The following ARHGAP5 variants were observed in gnomAD, a reference collection of about 807,000 sequenced individuals.
ARHGAP5 encodes the protein Rho GTPase activating protein 5.
Under a neutral mutation model 116.6 loss-of-function variants are expected in ARHGAP5, and 23 were observed. The ratio of observed to expected loss-of-function variants is 0.20; its 90% CI spans 0.14 to 0.28. The LOEUF (loss-of-function observed/expected upper bound fraction) is 0.28, where lower values mean the gene tolerates loss of function less well. ARHGAP5 is among the 10% of genes least tolerant of loss of function. The probability of loss-of-function intolerance (pLI) is 1.00; values close to 1 mark genes in which losing one functional copy is unlikely to be tolerated. For missense variants in ARHGAP5, 1,405 were observed against 1,774.8 expected, an observed-to-expected ratio of 0.79 and a Z score of 3.74; for synonymous variants, 574 against 602.0, an observed-to-expected ratio of 0.95 and a Z score of 0.68.
chr14:32,077,400 C>G lies in ARHGAP5; in HGVS notation c.-204C>G. ...CCGCCGCCACCGCCGGGGCCGCTGC[C>G]GTTGAGGAGGAGACGGAGGAGACCG... On this transcript the variant is annotated 5_prime_UTR_variant, in exon 1 of 7. Coordinates refer to ENST00000345122, the MANE Select transcript of ARHGAP5 (RefSeq NM_001030055.2). 2.8e-6 allele frequency: 2 copies of G among 704,702 alleles called. No homozygotes were observed. The highest frequency in any genetic ancestry group is 3.0e-5 in the South Asian group (2 of 67,648). The allele number at this position is 704,702 out of a possible 1,614,324, so 43.7% of individuals were successfully genotyped here.
At chr14:32,150,170 G>A in intron 5 of ARHGAP5, 137 bp downstream of exon 5, 1 of 648,532 alleles carries the variant, frequency 1.5e-6, no homozygotes, top group Non-Finnish European at 2.3e-6. Flanking sequence ...TTTCTTAAAG[G>A]CATTTTCCTC....
Position 32,093,651 on chromosome 14 carries a change from T to C in ARHGAP5, c.2982T>C (p.Ile994=). The C allele has an allele frequency of 6.2e-7, 1 of 1,613,912 alleles. No individual in the cohort carries two copies. The highest frequency in any genetic ancestry group is 2.2e-5 in the East Asian group (1 of 44,884). ...DTEAPPPYSP[I]GDDVQLLPTP... ...AAGCACCACCTCCTTATAGTCCAATTGGGGATGATGTACAGTTGCTTCCAA... is the reference window on the plus strand; with the variant it reads ...AAGCACCACCTCCTTATAGTCCAATCGGGGATGATGTACAGTTGCTTCCAA... The change falls in exon 2 of 7, where the codon ATT becomes ATC. Residue 994 remains isoleucine (I), a synonymous_variant. Coordinates refer to ENST00000345122, the MANE Select transcript of ARHGAP5 (RefSeq NM_001030055.2).
chr14:32,107,902 A>G (rs2139049924), intron 2 of ARHGAP5, among the ~76,000 whole-genome samples: 1 of 152,304 alleles, frequency 6.6e-6, no homozygotes, highest in Non-Finnish European at 1.5e-5. Flanking sequence ...GAGTACAGCT[A>G]GAGAAGAAGG....
chr14:32,081,644 A>G (rs931696093), intron 1 of ARHGAP5, among the ~76,000 whole-genome samples: 2 of 151,030 alleles, frequency 1.3e-5, no homozygotes, highest in Non-Finnish European at 3.0e-5. Flanking sequence ...TGCAAGAGTG[A>G]TAGAAGGGGT....
At chr14:32,105,114 A>ACT (rs1878951748) in intron 2 of ARHGAP5, among the ~76,000 whole-genome samples, 1 of 152,072 alleles carries the variant, frequency 6.6e-6, no homozygotes, top group East Asian at 1.9e-4. Context: ...GGTGTAGGAG[A>ACT]CTATGTCTTG....
At position 32,091,027 on chromosome 14, in the gene ARHGAP5, G is replaced by A; in HGVS notation, c.358G>A (p.Ala120Thr). ...TTTGCAACCATATATAAAACGTGCA[G>A]CTGCATCTAAATTGCAGTCAGCAGA... ...TNLQPYIKRA[A>T]ASKLQSAEKL... The change falls in exon 2 of 7, where the codon GCT (alanine) becomes ACT (threonine). Residue 120 changes from alanine (A) to threonine (T), a missense_variant. Ala to Thr is a moderately conservative substitution (Grantham distance 58). Transcript: ENST00000345122. 6.2e-7 allele frequency: 1 copy of A among 1,613,682 alleles called. No homozygotes were observed. Among genetic ancestry groups the A allele is most frequent in the Non-Finnish European group, 8.5e-7 (1 of 1,179,674 alleles).
At chr14:32,138,450 G>A (rs1880926175) in intron 3 of ARHGAP5, among the ~76,000 whole-genome samples, 1 of 151,952 alleles carries the variant, frequency 6.6e-6, no homozygotes, top group Non-Finnish European at 1.5e-5. Flanking sequence ...CACCTGGCTA[G>A]TTTTTATATT....
chr14:32,131,759 G>A (rs533499791), intron 3 of ARHGAP5, among the ~76,000 whole-genome samples: 34 of 151,760 alleles, frequency 2.2e-4, no homozygotes, highest in Admixed American at 1.5e-3. Flanking sequence ...AACAGTCCCC[G>A]GTGTGTGATG....
intron 3 of ARHGAP5, among the ~76,000 whole-genome samples, chr14:32,120,993 A>C (rs115932410): frequency 6.9e-6 from 1 of 145,846 alleles, no homozygotes; most frequent in South Asian, 2.2e-4. Context: ...TTTTAATTTC[A>C]TACACATTTA....
intron 3 of ARHGAP5, among the ~76,000 whole-genome samples, chr14:32,125,131 G>A (rs575613025): frequency 6.6e-5 from 10 of 152,136 alleles, no homozygotes; most frequent in East Asian, 3.9e-4. Context: ...CATTTACCCC[G>A]AAGAAAACCC....
At chr14:32,107,038 G>A (rs1879052515) in intron 2 of ARHGAP5, among the ~76,000 whole-genome samples, 3 of 151,962 alleles carry the variant, frequency 2.0e-5, no homozygotes, top group Non-Finnish European at 4.4e-5. Flanking sequence ...ACATTTAATC[G>A]CATATTATTT....
intron 1 of ARHGAP5, among the ~76,000 whole-genome samples, chr14:32,080,456 T>TA (rs547148071): frequency 1.1e-4 from 16 of 149,252 alleles, no homozygotes; most frequent in Middle Eastern, 3.4e-3. Context: ...ACTTCAAAGT[T>TA]AAAAAAAAAA....
chr14:32,132,576 A>G (rs917417160), intron 3 of ARHGAP5, among the ~76,000 whole-genome samples: 4 of 149,930 alleles, frequency 2.7e-5, no homozygotes, highest in East Asian at 2.0e-4. Context: ...CTGTGCAGAA[A>G]CTCTTTAGTT....
chr14:32,077,321 G>A lies in ARHGAP5; in HGVS notation c.-283G>A, dbSNP rs2138984699. 1.4e-6 allele frequency: 1 copy of A among 695,224 alleles called. No individual in the cohort carries two copies. The highest frequency in any genetic ancestry group is 2.0e-5 in the Admixed American group (1 of 49,228). 43.1% of individuals were successfully genotyped at this position (695,224 alleles called of 1,614,324 possible). A position where few individuals can be genotyped will look rare whatever the true frequency, so the allele number is the denominator to read the frequency against. Reference sequence around the variant, plus strand: ...AGCGCGCCGAGGAAGAGAGGCGAGCGGAGAGTGGAGGAGGAGGCGGCGGCG... The same window carrying A: ...AGCGCGCCGAGGAAGAGAGGCGAGCAGAGAGTGGAGGAGGAGGCGGCGGCG... On this transcript the variant is annotated 5_prime_UTR_variant, in exon 1 of 7. Coordinates refer to ENST00000345122, the MANE Select transcript of ARHGAP5 (RefSeq NM_001030055.2).
intron 3 of ARHGAP5, among the ~76,000 whole-genome samples, chr14:32,140,957 A>G (rs1291410101): frequency 6.6e-6 from 1 of 152,052 alleles, no homozygotes; most frequent in Non-Finnish European, 1.5e-5. Flanking sequence ...TCTCCCTTCA[A>G]TTCTGTCAGT....
Position 32,090,707 on chromosome 14 carries a change from A to G in ARHGAP5, c.38A>G (p.Tyr13Cys), listed in dbSNP as rs1188645695. ...AKNKEPRPPSYTISIVGLSGT... is the reference protein window; with the variant it reads ...AKNKEPRPPSCTISIVGLSGT... ...AACAAAGAGCCTCGTCCCCCATCCT[A>G]TACCATCAGTATAGTTGGACTCTCT... Residue 13 changes from tyrosine (Y) to cysteine (C), a missense_variant, in exon 2 of 7, where the codon TAT (tyrosine) becomes TGT (cysteine). By Grantham distance (194) the Tyr-to-Cys change is radical (BLOSUM62 -2). Around this residue, in one of 6 missense-constraint regions of ARHGAP5, gnomAD observed 190 missense variants for 314.9 expected, o/e 0.60. Transcript: ENST00000345122. 2 of 1,612,906 alleles carry G rather than the reference A, an allele frequency of 1.2e-6. No individual in the cohort carries two copies. Among genetic ancestry groups the G allele is most frequent in the Non-Finnish European group, 1.7e-6 (2 of 1,179,372 alleles).
At position 32,091,210 on chromosome 14, in the gene ARHGAP5, A is replaced by G. The variant is rs780955456; in HGVS notation, c.541A>G (p.Asn181Asp). Residue 181 changes from asparagine (N) to aspartate (D), a missense_variant, in exon 2 of 7, where the codon AAT becomes GAT. Around this residue, in one of 6 missense-constraint regions of ARHGAP5, gnomAD observed 190 missense variants for 314.9 expected, o/e 0.60. Transcript: ENST00000345122. ...GTTTGATGATCAACTTAAATTTGTGAATAACCTTTTTGTCCAGTTATCAAA... is the reference window on the plus strand; with the variant it reads ...GTTTGATGATCAACTTAAATTTGTGGATAACCTTTTTGTCCAGTTATCAAA... ...RKFDDQLKFVNNLFVQLSKSK... is the reference protein window; with the variant it reads ...RKFDDQLKFVDNLFVQLSKSK... 6.2e-7 allele frequency: 1 copy of G among 1,613,194 alleles called. No individual in the cohort carries two copies. Among genetic ancestry groups the G allele is most frequent in the Non-Finnish European group, 8.5e-7 (1 of 1,179,548 alleles).
chr14:32,093,594 T>C lies in ARHGAP5; in HGVS notation c.2925T>C (p.Tyr975=), dbSNP rs1488283042. 4 of 1,613,968 alleles carry C rather than the reference T, an allele frequency of 2.5e-6. No homozygotes were observed. The South Asian group carries it at 4.4e-5, about 18-fold the overall frequency. The change falls in exon 2 of 7, where the codon TAT becomes TAC. Residue 975 remains tyrosine (Y), a synonymous_variant. Coordinates refer to ENST00000345122, the MANE Select transcript of ARHGAP5 (RefSeq NM_001030055.2). ...FLPSPRDCFP[Y]NNYPDSDDDT... ...CATCTCCCAGAGACTGTTTTCCCTATAATAACTACCCTGATTCAGATGATG... is the reference window on the plus strand; with the variant it reads ...CATCTCCCAGAGACTGTTTTCCCTACAATAACTACCCTGATTCAGATGATG...
chr14:32,115,996 A>G (rs1394038036), intron 2 of ARHGAP5, among the ~76,000 whole-genome samples: 1 of 150,844 alleles, frequency 6.6e-6, no homozygotes, highest in Non-Finnish European at 1.5e-5. Flanking sequence ...CTCCGTCTAA[A>G]AAAAAAAGCT....
Sources: allele counts gnomAD v4.1 joint callset (sites outside exome capture counted in the v4.1 genomes callset), GRCh38; gene constraint gnomAD v4.1.1; regional missense constraint gnomAD v4.1.1; transcripts MANE v1.5; gene names NCBI Gene and HGNC (gene_info 2026-07-23, HGNC 2026-07-21).